Variants in SLAIN1 observed in about 807,000 individuals in gnomAD.
SLAIN1 encodes SLAIN family member 1.
SLAIN1 carries 17 observed loss-of-function variants against 55.4 expected under a neutral mutation model. The ratio of observed to expected loss-of-function variants is 0.31; its 90% CI spans 0.21 to 0.46. The LOEUF (loss-of-function observed/expected upper bound fraction) is 0.46, where lower values mean the gene tolerates loss of function less well. Ranked by LOEUF, SLAIN1 falls within the 20% of genes least tolerant of loss-of-function variation. The probability of loss-of-function intolerance (pLI) is 1.00; values close to 1 mark genes in which losing one functional copy is unlikely to be tolerated. For synonymous variants in SLAIN1, 348 were observed against 337.4 expected (o/e 1.03, Z -0.35); for missense variants, 682 against 785.1 (o/e 0.87, Z 1.57).
chr13:77,735,341 T>C (rs950801707), intron 2 of SLAIN1, among the ~76,000 whole-genome samples: 21 of 152,266 alleles, frequency 1.4e-4, no homozygotes, highest in Middle Eastern at 3.4e-3. Flanking sequence ...TATTACAATA[T>C]GTTATGGAAA....
intron 2 of SLAIN1, among the ~76,000 whole-genome samples, chr13:77,738,293 G>A (rs1217254623): frequency 3.3e-5 from 5 of 150,768 alleles, no homozygotes; most frequent in South Asian, 2.1e-4. Context: ...TCAGGTACAC[G>A]GCATTACTTA....
chr13:77,745,137 G>A (rs933093797), intron 3 of SLAIN1, among the ~76,000 whole-genome samples: 2 of 151,980 alleles, frequency 1.3e-5, no homozygotes, highest in African/African-American at 2.4e-5. Context: ...GGCAACACAG[G>A]ATTTTTGCAG....
chr13:77,734,764 A>G (rs1397578306), intron 2 of SLAIN1, among the ~76,000 whole-genome samples: 1 of 152,130 alleles, frequency 6.6e-6, no homozygotes, highest in Admixed American at 6.6e-5. Context: ...TCACACTTGT[A>G]ATCCCAGCAC....
At position 77,702,496 on chromosome 13, in the gene SLAIN1, G is replaced by C. The variant is rs556680149; in HGVS notation, c.626+3957G>C. ...TGTCACCAGGCTCTGCAGCACCAGA[G>C]TACAAACAGAGTAATTCAGATTGGT... On this transcript the variant is annotated intron_variant, in intron 1 of 6. Coordinates refer to ENST00000418532, the MANE Select transcript of SLAIN1 (RefSeq NM_001242868.2). 2.6e-5 allele frequency among the ~76,000 whole-genome samples: 4 copies of C among 152,244 alleles called. No individual in the cohort carries two copies. In the Middle Eastern group the frequency reaches 0.01, roughly 388 times the overall value.
intron 2 of SLAIN1, among the ~76,000 whole-genome samples, chr13:77,728,868 CTT>C (rs2091331564): frequency 6.6e-6 from 1 of 152,164 alleles, no homozygotes; most frequent in African/African-American, 2.4e-5. Context: ...CTCTGTCAAA[CTT>C]GGAACACAAA....
chr13:77,698,552 T>C lies in SLAIN1; in HGVS notation c.626+13T>C. ...ACGACTACACCTGGTACTGCCTGGC[T>C]CCGCTCCTTCCCCGAGACCCTGGCC... On this transcript the variant is annotated intron_variant, in intron 1 of 6. Coordinates refer to ENST00000418532, the MANE Select transcript of SLAIN1 (RefSeq NM_001242868.2). The surrounding 1 kb of genome is among the most constrained non-coding windows in gnomAD (Gnocchi z 4.1). 7.1e-7 allele frequency: 1 copy of C among 1,412,386 alleles called. No individual in the cohort carries two copies. The highest frequency in any genetic ancestry group is 9.1e-7 in the Non-Finnish European group (1 of 1,093,066). The allele number at this position is 1,412,386 out of a possible 1,614,324, so 87.5% of individuals were successfully genotyped here.
rs756729088 is a variant in SLAIN1, at chr13:77,719,548, T to C, written c.643T>C (p.Ser215Pro). ...TTTTTTAAGGTTATACATTGGCTCTTCAAAGACGTTCACCTCATCAGAGAA... is the reference window on the plus strand; with the variant it reads ...TTTTTTAAGGTTATACATTGGCTCTCCAAAGACGTTCACCTCATCAGAGAA... The part of the protein sequence containing the change: ...DDYTWLYIGS[S>P]KTFTSSEKSL... Residue 215 changes from serine (S) to proline (P), a missense_variant, in exon 2 of 7, where the codon TCA becomes CCA. Ser to Pro is a moderately conservative substitution (Grantham distance 74). Around this residue, in one of 3 missense-constraint regions of SLAIN1, gnomAD observed 401 missense variants for 417.3 expected, o/e 0.96. Transcript: ENST00000418532. 1 of 1,612,766 alleles carries C rather than the reference T, an allele frequency of 6.2e-7. No individual in the cohort carries two copies. The highest frequency in any genetic ancestry group is 1.3e-5 in the African/African-American group (1 of 74,864).
intron 4 of SLAIN1, among the ~76,000 whole-genome samples, chr13:77,748,145 C>A (rs1272034251): frequency 1.3e-5 from 2 of 151,854 alleles, no homozygotes. Context: ...AGTTTTTACC[C>A]TTTCTTCCTT....
At chr13:77,758,525 C>A (rs1426397167) in intron 5 of SLAIN1, among the ~76,000 whole-genome samples, 1 of 151,982 alleles carries the variant, frequency 6.6e-6, no homozygotes, top group African/African-American at 2.4e-5. Context: ...AATAATTTTT[C>A]CAATATTATC....
intron 5 of SLAIN1, among the ~76,000 whole-genome samples, chr13:77,759,012 GA>G (rs1422809114): frequency 6.6e-6 from 1 of 152,016 alleles, no homozygotes; most frequent in Non-Finnish European, 1.5e-5. Context: ...TGAATCTGTA[GA>G]TTGCTTTGGG....
chr13:77,698,509 C>T lies in SLAIN1; in HGVS notation c.596C>T (p.Ala199Val). 6.9e-7 allele frequency: 1 copy of T among 1,452,338 alleles called. No individual in the cohort carries two copies. The highest frequency in any genetic ancestry group is 9.0e-7 in the Non-Finnish European group (1 of 1,109,566). The allele number at this position is 1,452,338 out of a possible 1,614,324, so 90.0% of individuals were successfully genotyped here. ...EVELLDLESV[A>V]AWRDEDDYTW... is the part of the protein sequence containing the mutation. ...GAATTGCTGGATCTGGAGAGCGTAG[C>T]CGCCTGGCGGGACGAGGACGACTAC... is the stretch of plus-strand genomic sequence containing the variant. Residue 199 changes from alanine to valine, a missense_variant, in exon 1 of 7, where the codon GCC (alanine) becomes GTC (valine). Physicochemically the swap from Ala to Val is moderately conservative, Grantham distance 64. This residue lies in a region of SLAIN1 where 401 missense variants were observed against 417.3 expected (regional missense o/e 0.96). Transcript: ENST00000418532. This position sits in a 1 kb window ranked among gnomAD's most constrained non-coding sequence, Gnocchi z 4.1.
At chr13:77,726,174 T>A (rs932297563) in intron 2 of SLAIN1, among the ~76,000 whole-genome samples, 3 of 152,200 alleles carry the variant, frequency 2.0e-5, no homozygotes, top group African/African-American at 7.2e-5. Context: ...AGTTTTTTTT[T>A]CTGAAGAAAA....
intron 1 of SLAIN1, among the ~76,000 whole-genome samples, chr13:77,710,519 A>G (rs759912423): frequency 1.3e-5 from 2 of 152,216 alleles, no homozygotes; most frequent in African/African-American, 2.4e-5. Context: ...TGGTAAAGGG[A>G]TCAGTGCAAC....
At position 77,763,903 on chromosome 13, in the gene SLAIN1, T is replaced by C. The variant is rs774095471; in HGVS notation, c.*683T>C. ...ATAACCAGACAGCAGAATTAAATGG[T>C]CCTGTCTTTTTCATTTTTAATTTAT... On this transcript the variant is annotated 3_prime_UTR_variant, in exon 7 of 7. Transcript: ENST00000418532. The C allele has an allele frequency of 3.9e-5, 6 of 152,612 alleles. No homozygotes were observed. The highest frequency in any genetic ancestry group is 1.4e-4 in the African/African-American group (6 of 41,436). The allele number at this position is 152,612 out of a possible 1,614,324, so 9.5% of individuals were successfully genotyped here.
chr13:77,762,077 C>T (rs931899747), intron 6 of SLAIN1, among the ~76,000 whole-genome samples: 11 of 152,072 alleles, frequency 7.2e-5, no homozygotes, highest in South Asian at 2.1e-4. Flanking sequence ...CAACAAATTT[C>T]GAAAAACAGA....
intron 1 of SLAIN1, among the ~76,000 whole-genome samples, chr13:77,701,672 A>G (rs1404524055): frequency 6.6e-6 from 1 of 152,180 alleles, no homozygotes; most frequent in Non-Finnish European, 1.5e-5. Flanking sequence ...ATCTTAGCAC[A>G]GTATTGCTGG....
Position 77,746,559 on chromosome 13 carries a change from A to G in SLAIN1, c.962A>G (p.His321Arg), listed in dbSNP as rs1031670268. The G allele has an allele frequency of 4.3e-6, 7 of 1,612,946 alleles. No homozygotes were observed. In the African/African-American group the frequency reaches 9.3e-5, roughly 22 times the overall value. Residue 321 changes from histidine to arginine, a missense_variant, in exon 4 of 7, where the codon CAT becomes CGT. His to Arg is a conservative substitution (Grantham distance 29). This residue lies in a region of SLAIN1 where 37 missense variants were observed against 72.6 expected (regional missense o/e 0.51). Transcript: ENST00000418532. ...TCTACTTCAGCATCTGTATCAAGAC[A>G]TAGTTCCAGTGTGTCATTGAGTTCA... ...YASTSASVSRHSSSVSLSSGK... is the reference protein window; with the variant it reads ...YASTSASVSRRSSSVSLSSGK...
At chr13:77,757,544 T>C (rs1037419409) in intron 5 of SLAIN1, among the ~76,000 whole-genome samples, 1 of 152,048 alleles carries the variant, frequency 6.6e-6, no homozygotes, top group African/African-American at 2.4e-5. Flanking sequence ...ACCGAAGCAG[T>C]GTACACTGTA....
intron 3 of SLAIN1, among the ~76,000 whole-genome samples, chr13:77,746,012 A>G (rs1431859067): frequency 6.6e-6 from 1 of 152,130 alleles, no homozygotes; most frequent in Non-Finnish European, 1.5e-5. Context: ...AGTAACATAA[A>G]AGAACAATAG....
Sources: gnomAD v4.1 joint callset for allele counts (sites outside exome capture counted in the v4.1 genomes callset) on GRCh38, gnomAD v4.1.1 for gene constraint, gnomAD v4.1.1 regional missense constraint, Gnocchi (gnomAD v3.1) non-coding constraint, MANE v1.5 for transcripts, NCBI Gene and HGNC (gene_info 2026-07-23, HGNC 2026-07-21) for gene names.